BRINP1: variants seen among roughly 807,000 people sequenced by gnomAD.
BRINP1 encodes BMP/retinoic acid inducible neural specific 1, also known as BMP/retinoic acid-inducible neural-specific protein 1.
A neutral mutation model predicts 72.9 loss-of-function variants in BRINP1; 17 were observed. The observed-to-expected ratio is 0.23, with a 90% confidence interval of 0.16 to 0.35. The LOEUF (loss-of-function observed/expected upper bound fraction) is 0.35. Ranked by LOEUF, BRINP1 falls within the 10% of genes least tolerant of loss-of-function variation. The pLI is 1.00. For missense variants in BRINP1, 850 were observed against 1,001.6 expected, an observed-to-expected ratio of 0.85 and a Z score of 2.04; for synonymous variants, 418 against 378.5, an observed-to-expected ratio of 1.10 and a Z score of -1.21.
chr9:119,336,166 A>G (rs1297050957), intron 1 of BRINP1, among the ~76,000 whole-genome samples: 2 of 152,198 alleles, frequency 1.3e-5, no homozygotes, highest in Non-Finnish European at 2.9e-5. Context: ...GGAATACCCT[A>G]AATTAAACGG....
chr9:119,169,377 C>T (rs1312513538), intron 7 of BRINP1, among the ~76,000 whole-genome samples: 1 of 150,902 alleles, frequency 6.6e-6, no homozygotes, highest in Non-Finnish European at 1.5e-5. Flanking sequence ...CTGACGGCAC[C>T]TGGAAAATCG....
intron 1 of BRINP1, among the ~76,000 whole-genome samples, chr9:119,360,495 T>C (rs1433877393): frequency 6.6e-6 from 1 of 150,476 alleles, no homozygotes; most frequent in Admixed American, 6.7e-5. Context: ...GCTCTCTGTT[T>C]GCTCTTCTAG....
chr9:119,247,537 C>A (rs1208903412), intron 3 of BRINP1, among the ~76,000 whole-genome samples: 1 of 151,892 alleles, frequency 6.6e-6, no homozygotes, highest in African/African-American at 2.4e-5. Flanking sequence ...CGCCTGTAGT[C>A]CCAGCTGCTC....
intron 2 of BRINP1, among the ~76,000 whole-genome samples, chr9:119,291,277 G>A (rs1016165811): frequency 5.9e-5 from 9 of 152,138 alleles, no homozygotes; most frequent in Non-Finnish European, 1.3e-4. Flanking sequence ...TAGACAAACT[G>A]TGCAACTATA....
chr9:119,354,921 A>G (rs1831544609), intron 1 of BRINP1, among the ~76,000 whole-genome samples: 1 of 152,190 alleles, frequency 6.6e-6, no homozygotes, highest in African/African-American at 2.4e-5. Context: ...TTTTATAGGC[A>G]TTATTGTTCA....
At chr9:119,306,699 C>T (rs762838232) in intron 2 of BRINP1, among the ~76,000 whole-genome samples, 54 of 152,192 alleles carry the variant, frequency 3.5e-4, no homozygotes, top group Non-Finnish European at 5.3e-4. Context: ...TCAAAAGGCA[C>T]TAGAATTCCC....
chr9:119,339,240 G>A (rs1831384382), intron 1 of BRINP1, among the ~76,000 whole-genome samples: 1 of 152,208 alleles, frequency 6.6e-6, no homozygotes, highest in Admixed American at 6.5e-5. Context: ...ATAAACAAAT[G>A]AGCATGGCTG....
At chr9:119,315,689 C>T (rs1831117700) in intron 1 of BRINP1, among the ~76,000 whole-genome samples, 1 of 152,198 alleles carries the variant, frequency 6.6e-6, no homozygotes, top group South Asian at 2.1e-4. Context: ...CAGTTAGCCA[C>T]ATTGTGAATG....
chr9:119,219,687 GAGAGAGAGAA>G (rs1325894027), intron 5 of BRINP1, among the ~76,000 whole-genome samples: 42 of 127,784 alleles, frequency 3.3e-4, no homozygotes, highest in Middle Eastern at 3.8e-3. Flanking sequence ...GAGAGAGAGA[GAGAGAGAGAA>G]AGAGATGTAA....
At chr9:119,342,854 G>A (rs1831418119) in intron 1 of BRINP1, among the ~76,000 whole-genome samples, 1 of 152,198 alleles carries the variant, frequency 6.6e-6, no homozygotes, top group Admixed American at 6.5e-5. Context: ...TGCTAGAGAA[G>A]TTAAGCACAG....
At chr9:119,369,011 C>T in intron 1 of BRINP1, 45 bp downstream of exon 1, 1 of 392,328 alleles carries the variant, frequency 2.5e-6, no homozygotes, top group Non-Finnish European at 4.5e-6. Flanking sequence ...GGGCCGGGTC[C>T]AAGGGCAGCG....
At chr9:119,259,370 A>G (rs1280235580) in intron 2 of BRINP1, among the ~76,000 whole-genome samples, 1 of 152,250 alleles carries the variant, frequency 6.6e-6, no homozygotes, top group East Asian at 1.9e-4. Context: ...TAGCTACTCA[A>G]TAAATGTTAG....
chr9:119,269,354 C>T (rs1830584790), intron 2 of BRINP1, among the ~76,000 whole-genome samples: 1 of 152,168 alleles, frequency 6.6e-6, no homozygotes, highest in South Asian at 2.1e-4. Context: ...GAATGATTCA[C>T]CCTCCCCTTC....
chr9:119,277,693 G>A (rs1029475633), intron 2 of BRINP1, among the ~76,000 whole-genome samples: 1 of 152,188 alleles, frequency 6.6e-6, no homozygotes, highest in Non-Finnish European at 1.5e-5. Context: ...CTGGTTATCA[G>A]AGTTAGTGCC....
Position 119,209,043 on chromosome 9 carries a change from A to C in BRINP1, c.923-102T>G. 4 of 952,354 alleles carry C rather than the reference A, an allele frequency of 4.2e-6. No homozygotes were observed. The South Asian group carries it at 4.7e-5, about 11-fold the overall frequency. 59.0% of individuals were successfully genotyped at this position (952,354 alleles called of 1,614,324 possible). On this transcript the variant is annotated intron_variant, in intron 6 of 7. Coordinates refer to ENST00000265922, the MANE Select transcript of BRINP1 (RefSeq NM_014618.3). The stretch of plus-strand genomic sequence containing the variant: ...TCACTTTCCAATAAACCAGGCCTGC[A>C]AACATAATTTTTTTTTCTTAAGGGC...
At chr9:119,175,413 C>T (rs1480751039) in intron 7 of BRINP1, among the ~76,000 whole-genome samples, 1 of 152,056 alleles carries the variant, frequency 6.6e-6, no homozygotes. Context: ...GGAGAAATAC[C>T]TAATGTAGAT....
At chr9:119,287,401 C>G (rs1390809602) in intron 2 of BRINP1, among the ~76,000 whole-genome samples, 2 of 152,132 alleles carry the variant, frequency 1.3e-5, no homozygotes, top group African/African-American at 2.4e-5. Flanking sequence ...TCTGTGTTAT[C>G]TGGGACAAGT....
intron 7 of BRINP1, among the ~76,000 whole-genome samples, chr9:119,184,936 C>T (rs189219468): frequency 2.3e-4 from 35 of 152,250 alleles, no homozygotes; most frequent in East Asian, 1.9e-3. Context: ...AATAATAATG[C>T]TTTCCAAAGA....
intron 2 of BRINP1, among the ~76,000 whole-genome samples, chr9:119,272,243 C>T (rs548521707): frequency 2.6e-5 from 4 of 151,818 alleles, no homozygotes; most frequent in Non-Finnish European, 5.9e-5. Flanking sequence ...CCACCATGCC[C>T]GGCTAATTTT....
Sources: allele counts gnomAD v4.1 joint callset (sites outside exome capture counted in the v4.1 genomes callset), GRCh38; gene constraint gnomAD v4.1.1; transcripts MANE v1.5; gene names NCBI Gene and HGNC (gene_info 2026-07-23, HGNC 2026-07-21).